The following CFAP299 variants were observed in gnomAD, a reference collection of about 807,000 sequenced individuals.
CFAP299 encodes the protein cilia- and flagella-associated protein 299.
Under a neutral mutation model 27.0 loss-of-function variants are expected in CFAP299, and 21 were observed. That is an observed-to-expected ratio of 0.78 (90% CI 0.55 to 1.12). The LOEUF is 1.12. CFAP299 is among the 50% of genes most tolerant of loss of function. The probability of loss-of-function intolerance (pLI) is 0.00; values close to 1 mark genes in which losing one functional copy is unlikely to be tolerated. For synonymous variants in CFAP299, 104 were observed against 98.1 expected (o/e 1.06, Z -0.36); for missense variants, 310 against 276.6 (o/e 1.12, Z -0.86).
At chr4:80,333,056 G>T (rs922744509), upstream of CFAP299, among the ~76,000 whole-genome samples, 2 of 152,104 alleles carry the variant, frequency 1.3e-5, no homozygotes, top group African/African-American at 4.8e-5. Flanking sequence ...CCAGTCCTGG[G>T]AGGAATTCCA....
At chr4:80,425,256 T>G (rs1727477180) in intron 2 of CFAP299, among the ~76,000 whole-genome samples, 1 of 152,164 alleles carries the variant, frequency 6.6e-6, no homozygotes, top group Non-Finnish European at 1.5e-5. Flanking sequence ...TACCTCATAC[T>G]CTTTCACATG....
At chr4:80,687,347 C>A (rs1720271501) in intron 3 of CFAP299, among the ~76,000 whole-genome samples, 1 of 152,026 alleles carries the variant, frequency 6.6e-6, no homozygotes, top group Non-Finnish European at 1.5e-5. Flanking sequence ...GAATTTCATA[C>A]CTAATAGGAG....
chr4:80,871,585 C>T (rs1733100931), intron 4 of CFAP299: 1 of 985,374 alleles, frequency 1.0e-6, no homozygotes, highest in African/African-American at 1.7e-5. Context: ...ACCCTTGAAA[C>T]CAAAGGCAAA....
the CFAP299 span, among the ~76,000 whole-genome samples, chr4:80,325,355 T>C: frequency 6.6e-6 from 1 of 152,244 alleles, no homozygotes; most frequent in Non-Finnish European, 1.5e-5. Context: ...CAAGTGATAA[T>C]AGTATCTATT....
At chr4:80,579,079 C>A (rs983159795) in intron 2 of CFAP299, among the ~76,000 whole-genome samples, 3 of 152,204 alleles carry the variant, frequency 2.0e-5, no homozygotes, top group Admixed American at 6.6e-5. Context: ...AATATAAATT[C>A]TTTTCAGTCT....
At chr4:80,411,507 A>G (rs887680221) in intron 2 of CFAP299, among the ~76,000 whole-genome samples, 3 of 152,138 alleles carry the variant, frequency 2.0e-5, no homozygotes, top group African/African-American at 7.2e-5. Context: ...AGACATTTAC[A>G]TGCTATAGTA....
At chr4:80,749,389 T>TA (rs1173094789) in intron 3 of CFAP299, among the ~76,000 whole-genome samples, 1 of 152,316 alleles carries the variant, frequency 6.6e-6, no homozygotes, top group Non-Finnish European at 1.5e-5. Context: ...AGAAAATACT[T>TA]ACATTAGTCT....
At chr4:80,676,258 C>T (rs1719448692) in intron 3 of CFAP299, among the ~76,000 whole-genome samples, 1 of 152,154 alleles carries the variant, frequency 6.6e-6, no homozygotes, top group Non-Finnish European at 1.5e-5. Context: ...TGTATCACAT[C>T]TCAATTTTCA....
chr4:80,334,746 C>G (rs1051722622), upstream of CFAP299, among the ~76,000 whole-genome samples: 1 of 152,134 alleles, frequency 6.6e-6, no homozygotes, highest in African/African-American at 2.4e-5. Context: ...GTCTATATCA[C>G]TTAAAATTTG....
At chr4:80,868,903 C>CTGTG (rs1400000607) in intron 3 of CFAP299, among the ~76,000 whole-genome samples, 16 of 131,992 alleles carry the variant, frequency 1.2e-4, no homozygotes, top group East Asian at 4.5e-4. Context: ...GGGCTTCTCT[C>CTGTG]TCTGTGTGTG....
At chr4:80,819,592 A>G (rs755655445) in intron 3 of CFAP299, among the ~76,000 whole-genome samples, 1 of 152,196 alleles carries the variant, frequency 6.6e-6, no homozygotes, top group Non-Finnish European at 1.5e-5. Context: ...ATAACTCATG[A>G]AAAGAGTAAG....
intron 2 of CFAP299, among the ~76,000 whole-genome samples, chr4:80,415,603 TA>T (rs1430182583): frequency 6.6e-6 from 1 of 152,122 alleles, no homozygotes; most frequent in African/African-American, 2.4e-5. Context: ...ATATACATTG[TA>T]AAAAAAGTTA....
At chr4:80,631,050 A>G (rs1275690195) in intron 3 of CFAP299, among the ~76,000 whole-genome samples, 2 of 152,044 alleles carry the variant, frequency 1.3e-5, no homozygotes, top group Non-Finnish European at 2.9e-5. Context: ...TGTTTCCTTT[A>G]TTAGAGTAGT....
intron 5 of CFAP299, among the ~76,000 whole-genome samples, chr4:80,958,369 C>A (rs546153568): frequency 1.3e-5 from 2 of 152,166 alleles, no homozygotes; most frequent in African/African-American, 4.8e-5. Context: ...ATAATTTGTA[C>A]AATTACATCC....
intron 3 of CFAP299, among the ~76,000 whole-genome samples, chr4:80,753,269 T>C (rs901299879): frequency 2.0e-5 from 3 of 151,816 alleles, no homozygotes; most frequent in Non-Finnish European, 4.4e-5. Context: ...TTTATAATTC[T>C]AGATTGACAT....
chr4:80,440,072 C>T (rs534151519), intron 2 of CFAP299, among the ~76,000 whole-genome samples: 4 of 152,304 alleles, frequency 2.6e-5, no homozygotes, highest in African/African-American at 4.8e-5. Context: ...ATAGATAAAA[C>T]TCCCATCTCC....
At chr4:80,740,895 CT>C (rs1282802674) in intron 3 of CFAP299, among the ~76,000 whole-genome samples, 4 of 152,096 alleles carry the variant, frequency 2.6e-5, no homozygotes, top group Admixed American at 6.5e-5. Flanking sequence ...CTTCCATCAG[CT>C]TGTGGCGAAT....
At chr4:80,895,006 G>GT (rs934951643) in intron 4 of CFAP299, among the ~76,000 whole-genome samples, 4 of 151,936 alleles carry the variant, frequency 2.6e-5, no homozygotes, top group Non-Finnish European at 5.9e-5. Context: ...CATTAAGGGA[G>GT]TTCAGGGGCA....
intron 2 of CFAP299, among the ~76,000 whole-genome samples, chr4:80,419,745 T>C (rs1404640963): frequency 1.3e-5 from 2 of 152,178 alleles, no homozygotes; most frequent in East Asian, 1.9e-4. Flanking sequence ...TTGGATCATA[T>C]GTTAGTACTA....
Sources: gnomAD v4.1 joint callset for allele counts (sites outside exome capture counted in the v4.1 genomes callset) on GRCh38, gnomAD v4.1.1 for gene constraint, MANE v1.5 for transcripts, NCBI Gene and HGNC (gene_info 2026-07-23, HGNC 2026-07-21) for gene names.